CEP290: variants seen among roughly 807,000 people sequenced by gnomAD.
CEP290 encodes centrosomal protein 290, also known as centrosomal protein of 290 kDa.
Under a neutral mutation model 344.9 loss-of-function variants are expected in CEP290, and 317 were observed. That is an observed-to-expected ratio of 0.92 (90% confidence interval 0.84 to 1.01). The LOEUF (loss-of-function observed/expected upper bound fraction) is 1.01. Among genes scored for constraint, CEP290 ranks in the 50% least tolerant of loss-of-function variants. The probability of loss-of-function intolerance (pLI) is 0.00; values close to 1 mark genes in which losing one functional copy is unlikely to be tolerated. For missense variants in CEP290, 2,754 were observed against 2,761.4 expected (o/e 1.00, Z 0.06); for synonymous variants, 932 against 895.8 (o/e 1.04, Z -0.72).
At position 88,093,966 on chromosome 12, in the gene CEP290, G is replaced by T; in HGVS notation, c.3113C>A (p.Ser1038Tyr). 1 of 1,603,346 alleles carries T rather than the reference G, an allele frequency of 6.2e-7. No homozygotes were observed. The highest frequency in any genetic ancestry group is 8.5e-7 in the Non-Finnish European group (1 of 1,175,260). Residue 1038 changes from serine to tyrosine, a missense_variant, in exon 28 of 54, where the codon TCT becomes TAT. By Grantham distance (144) the Ser-to-Tyr change is moderately radical. Coordinates refer to ENST00000552810, the MANE Select transcript of CEP290 (RefSeq NM_025114.4). ...TGATTTCTTTGCCTTATCCATGCTA[G>T]ATTCATTACCTACATGCAATAATAT... ...WEQETKLGNE[S>Y]SMDKAKKSIT... is the part of the protein sequence containing the mutation.
In CEP290 at chr12:88,092,839, A is replaced by C. The variant is rs373298179; in HGVS notation, c.3310-7T>G. On this transcript the variant is annotated splice_polypyrimidine_tract_variant and splice_region_variant and intron_variant, in intron 28 of 53. Transcript: ENST00000552810. ...CCAAATTGATTTTGGTAAGCTAAGGAAATGTAACAAAAAATGTTCAGATAC... is the reference window on the plus strand; with the variant it reads ...CCAAATTGATTTTGGTAAGCTAAGGCAATGTAACAAAAAATGTTCAGATAC... The C allele has an allele frequency of 1.2e-5, 20 of 1,607,562 alleles. No individual in the cohort carries two copies. The highest frequency in any genetic ancestry group is 1.6e-5 in the Non-Finnish European group (19 of 1,178,144).
chr12:88,078,333 T>G (rs1331380319), intron 39 of CEP290, among the ~76,000 whole-genome samples: 2 of 152,050 alleles, frequency 1.3e-5, no homozygotes, highest in Non-Finnish European at 2.9e-5. Flanking sequence ...TTTACAAAGA[T>G]AAGATATAAA....
intron 11 of CEP290, 59 bp downstream of exon 11, chr12:88,128,887 T>C (rs1239362345): frequency 9.4e-7 from 1 of 1,063,404 alleles, no homozygotes; most frequent in Non-Finnish European, 1.3e-6. Flanking sequence ...AAAATAAGAC[T>C]AAAATTTAAA....
In CEP290 at chr12:88,126,430, C is replaced by T; in HGVS notation, c.951G>A (p.Leu317=). 6.7e-7 allele frequency: 1 copy of T among 1,493,590 alleles called. No homozygotes were observed. Among genetic ancestry groups the T allele is most frequent in the Non-Finnish European group, 8.9e-7 (1 of 1,122,498 alleles). The allele number at this position is 1,493,590 out of a possible 1,614,324, so 92.5% of individuals were successfully genotyped here. A position where few individuals can be genotyped will look rare whatever the true frequency, so the allele number is the denominator to read the frequency against. ...CAATAATTTCATCATCTTTAGAAGA[C>T]AAAATTAGCTAGAAATAAACACAAT... ...NAKVEEWKLI[L]SSKDDEIIEY... The change falls in exon 12 of 54, where the codon TTG becomes TTA. Residue 317 remains leucine, a synonymous_variant. Coordinates refer to ENST00000552810, the MANE Select transcript of CEP290 (RefSeq NM_025114.4).
At position 88,084,768 on chromosome 12, in the gene CEP290, G is replaced by A. The variant is rs749439750; in HGVS notation, c.4522C>T (p.Arg1508Ter). ...RDKVINELRL[R>*]LPATAEREKL... is the part of the protein sequence containing the mutation. ...TCTCTTTCTGCAGTGGCAGGCAATC[G>A]AAGCCTCAGTTCATTGATTACTTTG... Residue 1508 changes from arginine (R) to a stop codon, truncating the protein, a stop_gained, in exon 35 of 54, where the codon CGA (arginine) becomes TGA (stop). Transcript: ENST00000552810. LOFTEE classifies it high-confidence loss of function. 18 of 1,613,310 alleles carry A rather than the reference G, an allele frequency of 1.1e-5. No homozygotes were observed. The highest frequency in any genetic ancestry group is 1.7e-5 in the Admixed American group (1 of 59,960).
chr12:88,058,831 T>TA lies in CEP290; in HGVS notation c.6818+16dup. 6.2e-7 allele frequency: 1 copy of TA among 1,611,188 alleles called. No homozygotes were observed. The highest frequency in any genetic ancestry group is 8.5e-7 in the Non-Finnish European group (1 of 1,179,266). On this transcript the variant is annotated intron_variant, in intron 49 of 53. Coordinates refer to ENST00000552810, the MANE Select transcript of CEP290 (RefSeq NM_025114.4). ...GAAATGATTAAACTTTGTACAAGTT[T>TA]AAAACTCTGTTCCTACCTTGTAACC...
chr12:88,085,999 C>T, intron 34 of CEP290, 40 bp downstream of exon 34: 1 of 1,557,576 alleles, frequency 6.4e-7, no homozygotes, highest in East Asian at 2.3e-5. Context: ...CCAAACATAC[C>T]AAATAATACA....
Position 88,089,371 on chromosome 12 carries a change from C to T in CEP290, c.3690G>A (p.Lys1230=). 6.2e-7 allele frequency: 1 copy of T among 1,613,912 alleles called. No individual in the cohort carries two copies. Among genetic ancestry groups the T allele is most frequent in the Non-Finnish European group, 8.5e-7 (1 of 1,179,876 alleles). The part of the protein sequence containing the change: ...KLESITSKLQ[K]MEAYNLRLEQ... ...CTAAGCGCAAGTTGTAGGCCTCCAT[C>T]TTCTGCAGTTTAGATGTAATTGACT... Residue 1230 remains lysine (K), a synonymous_variant, in exon 31 of 54, where the codon AAG becomes AAA. Coordinates refer to ENST00000552810, the MANE Select transcript of CEP290 (RefSeq NM_025114.4).
chr12:88,050,157 C>G (rs560403364), intron 53 of CEP290, 197 bp downstream of exon 53: 1 of 457,042 alleles, frequency 2.2e-6, no homozygotes, highest in Non-Finnish European at 3.8e-6. Context: ...ACTACTTAAT[C>G]CTATGTTGAG....
At chr12:88,069,402 C>T (rs1255063677) in intron 43 of CEP290, among the ~76,000 whole-genome samples, 1 of 152,008 alleles carries the variant, frequency 6.6e-6, no homozygotes, top group Non-Finnish European at 1.5e-5. Context: ...AAAAAAATGG[C>T]CTCTAAAAGT....
chr12:88,137,842 A>G (rs1405057526), intron 5 of CEP290, among the ~76,000 whole-genome samples: 1 of 152,128 alleles, frequency 6.6e-6, no homozygotes, highest in Non-Finnish European at 1.5e-5. Context: ...GATCATTCCT[A>G]TCATTCCTCC....
chr12:88,105,933 A>C (rs7966435), intron 25 of CEP290, among the ~76,000 whole-genome samples: 7,518 of 152,172 alleles, frequency 0.049, 631 homozygotes, highest in African/African-American at 0.17. Context: ...AAACAAAAAA[A>C]AAAACATTTT....
At chr12:88,129,427 A>G (rs1239469268) in intron 10 of CEP290, among the ~76,000 whole-genome samples, 1 of 151,912 alleles carries the variant, frequency 6.6e-6, no homozygotes, top group Non-Finnish European at 1.5e-5. Context: ...CAGGATTTTC[A>G]GTAGTCTTTT....
At chr12:88,064,203 G>A (rs566379790) in intron 44 of CEP290, 88 bp from the exon 45 acceptor site, 82 of 1,176,394 alleles carry the variant, frequency 7.0e-5, no homozygotes, top group Non-Finnish European at 9.3e-5. Context: ...ACTGTCAAAA[G>A]GTAACTTTTT....
In CEP290 at chr12:88,084,675, G is replaced by A. The variant is rs780398884; in HGVS notation, c.4615C>T (p.His1539Tyr). 4 of 1,613,640 alleles carry A rather than the reference G, an allele frequency of 2.5e-6. No homozygotes were observed. In the Admixed American group the frequency reaches 5.0e-5, roughly 20 times the overall value. The change falls in exon 35 of 54, where the codon CAT (histidine) becomes TAT (tyrosine). Residue 1539 changes from histidine to tyrosine, a missense_variant. By Grantham distance (83) the His-to-Tyr change is moderately conservative (BLOSUM62 2). Coordinates refer to ENST00000552810, the MANE Select transcript of CEP290 (RefSeq NM_025114.4). ...GCTTGCATGTTTGCAATGGTTTGATGAGCAATTTTCAATGTGTGGTGAGAT... is the reference window on the plus strand; with the variant it reads ...GCTTGCATGTTTGCAATGGTTTGATAAGCAATTTTCAATGTGTGGTGAGAT... ...PKSHHTLKIA[H>Y]QTIANMQARL... is the part of the protein sequence containing the mutation.
intron 39 of CEP290, among the ~76,000 whole-genome samples, chr12:88,078,697 G>A (rs2035965680): frequency 1.3e-5 from 2 of 151,880 alleles, no homozygotes; most frequent in African/African-American, 4.8e-5. Context: ...TATCAATATA[G>A]GTTCATCAAT....
intron 53 of CEP290, 200 bp from the exon 54 acceptor site, chr12:88,049,614 A>G: frequency 4.5e-6 from 2 of 444,756 alleles, no homozygotes; most frequent in South Asian, 6.4e-5. Flanking sequence ...AAGTCCAGTT[A>G]TGTATTCTGT....
Position 88,084,773 on chromosome 12 carries a change from C to A in CEP290, c.4517G>T (p.Arg1506Met). Reference sequence around the variant, plus strand: ...TTCTGCAGTGGCAGGCAATCGAAGCCTCAGTTCATTGATTACTTTGTCTCT... The same window carrying A: ...TTCTGCAGTGGCAGGCAATCGAAGCATCAGTTCATTGATTACTTTGTCTCT... ...LSRDKVINEL[R>M]LRLPATAERE... The change falls in exon 35 of 54, where the codon AGG (arginine) becomes ATG (methionine). Residue 1506 changes from arginine to methionine, a missense_variant. Coordinates refer to ENST00000552810, the MANE Select transcript of CEP290 (RefSeq NM_025114.4). The A allele has an allele frequency of 6.2e-7, 1 of 1,613,356 alleles. No individual in the cohort carries two copies. The highest frequency in any genetic ancestry group is 1.1e-5 in the South Asian group (1 of 91,020).
At chr12:88,084,897 C>T in intron 34 of CEP290, 45 bp from the exon 35 acceptor site, 2 of 1,374,440 alleles carry the variant, frequency 1.5e-6, no homozygotes, top group East Asian at 2.6e-5. Flanking sequence ...ATCTTTTTCC[C>T]TTTAAAATGC....
Sources: gnomAD v4.1 joint callset for allele counts (sites outside exome capture counted in the v4.1 genomes callset) on GRCh38, gnomAD v4.1.1 for gene constraint, MANE v1.5 for transcripts, NCBI Gene and HGNC (gene_info 2026-07-23, HGNC 2026-07-21) for gene names.